The following PEX5L variants were observed in gnomAD, a reference collection of about 807,000 sequenced individuals.
The protein encoded by PEX5L is peroxisomal biogenesis factor 5 like, also known as PEX5-related protein.
In PEX5L, 30 loss-of-function variants were observed where a neutral mutation model predicts 84.0. The observed-to-expected ratio is 0.36, with a 90% CI of 0.27 to 0.48. The LOEUF is 0.48. Ranked by LOEUF, PEX5L falls within the 20% of genes least tolerant of loss-of-function variation. PEX5L has a pLI of 0.99. For synonymous variants in PEX5L, 270 were observed against 283.1 expected (o/e 0.95, Z 0.46); for missense variants, 533 against 754.6 (o/e 0.71, Z 3.44).
intron 2 of PEX5L, among the ~76,000 whole-genome samples, chr3:179,926,754 C>T (rs1158458616): frequency 6.6e-6 from 1 of 152,204 alleles, no homozygotes; most frequent in Admixed American, 6.5e-5. Context: ...ATGCCTGTCA[C>T]ATGGTAGGTG....
Position 179,811,876 on chromosome 3 carries a change from G to A in PEX5L, c.1084-5C>T, listed in dbSNP as rs768197114. On this transcript the variant is annotated splice_polypyrimidine_tract_variant and splice_region_variant and intron_variant, in intron 10 of 14. Coordinates refer to ENST00000467460, the MANE Select transcript of PEX5L (RefSeq NM_016559.3). ...TATCCCGAGGAACTGCCATGCCTAC[G>A]AAAGACAACTGATGTTAACATTGCA... is the stretch of plus-strand genomic sequence containing the variant. 3.1e-6 allele frequency: 5 copies of A among 1,610,044 alleles called. No individual in the cohort carries two copies. The South Asian group carries it at 4.4e-5, about 14-fold the overall frequency.
At chr3:179,967,639 G>C (rs887949339) in intron 2 of PEX5L, among the ~76,000 whole-genome samples, 2 of 152,174 alleles carry the variant, frequency 1.3e-5, no homozygotes, top group East Asian at 3.9e-4. Context: ...CTTGTTTTCT[G>C]GTCTTGTTAT....
At position 179,795,380 on chromosome 3, in the gene PEX5L, CAACT is replaced by C. The variant is rs1716524078; in HGVS notation, c.*6444_*6447del. 1 of 151,214 alleles carries C rather than the reference CAACT, an allele frequency of 6.6e-6. No homozygotes were observed. The allele number at this position is 151,214 out of a possible 1,614,324, so 9.4% of individuals were successfully genotyped here. Reference sequence around the variant, plus strand: ...TAATCTTGTTACGCAAATTAGAAGCCAACTGAGTAAATTAAACACATCAATATGA... The same window carrying C: ...TAATCTTGTTACGCAAATTAGAAGCCGAGTAAATTAAACACATCAATATGA... On this transcript the variant is annotated 3_prime_UTR_variant, in exon 15 of 15. Transcript: ENST00000467460.
intron 1 of PEX5L, among the ~76,000 whole-genome samples, chr3:180,036,317 C>G (rs1791904126): frequency 6.6e-6 from 1 of 152,134 alleles, no homozygotes; most frequent in South Asian, 2.1e-4. Context: ...ATTCCTTGAT[C>G]CTGTTTAAAG....
At chr3:179,860,916 T>C (rs1264208220) in intron 7 of PEX5L, among the ~76,000 whole-genome samples, 2 of 152,292 alleles carry the variant, frequency 1.3e-5, no homozygotes, top group South Asian at 2.1e-4. Context: ...CAGGAGGCTG[T>C]GCTCACCCAG....
At chr3:180,003,287 C>A (rs1251885008) in intron 1 of PEX5L, among the ~76,000 whole-genome samples, 1 of 151,950 alleles carries the variant, frequency 6.6e-6, no homozygotes, top group Non-Finnish European at 1.5e-5. Flanking sequence ...ATTATTACAA[C>A]AATCTGTATT....
At chr3:179,803,856 T>TA (rs1720087909) in intron 14 of PEX5L, among the ~76,000 whole-genome samples, 1 of 152,164 alleles carries the variant, frequency 6.6e-6, no homozygotes, top group Admixed American at 6.5e-5. Flanking sequence ...GCAATCTGGA[T>TA]AATGGAATGG....
chr3:179,915,566 T>C (rs1766753238), intron 2 of PEX5L, among the ~76,000 whole-genome samples: 1 of 152,210 alleles, frequency 6.6e-6, no homozygotes, highest in African/African-American at 2.4e-5. Flanking sequence ...TGATGTATTA[T>C]GTGAAAATAG....
intron 8 of PEX5L, among the ~76,000 whole-genome samples, chr3:179,839,501 A>G (rs1470055836): frequency 6.6e-6 from 1 of 152,216 alleles, no homozygotes; most frequent in African/African-American, 2.4e-5. Context: ...TGTCCAATTG[A>G]GCGCTAGATT....
chr3:179,991,076 A>G (rs1005232098), intron 1 of PEX5L, among the ~76,000 whole-genome samples: 18 of 152,138 alleles, frequency 1.2e-4, no homozygotes, highest in African/African-American at 4.3e-4. Flanking sequence ...TGCATTCTAC[A>G]TGTATTCCTG....
At chr3:179,820,392 G>C (rs577917021) in intron 8 of PEX5L, 1 of 171,078 alleles carries the variant, frequency 5.8e-6, no homozygotes, top group Non-Finnish European at 1.3e-5. Context: ...GTATGGACAA[G>C]AGAATGAAAC....
intron 2 of PEX5L, among the ~76,000 whole-genome samples, chr3:179,927,290 G>A (rs1049797078): frequency 3.9e-5 from 6 of 152,112 alleles, no homozygotes; most frequent in African/African-American, 1.4e-4. Context: ...TAGGCTCTCA[G>A]GGTAAAGACA....
intron 8 of PEX5L, among the ~76,000 whole-genome samples, chr3:179,846,841 T>C (rs1310180722): frequency 6.6e-6 from 1 of 152,046 alleles, no homozygotes; most frequent in African/African-American, 2.4e-5. Flanking sequence ...ACACCAAAGG[T>C]TCTTCTGGTA....
intron 1 of PEX5L, among the ~76,000 whole-genome samples, chr3:180,001,165 T>C (rs1032624304): frequency 6.6e-6 from 1 of 151,932 alleles, no homozygotes; most frequent in Non-Finnish European, 1.5e-5. Context: ...ACTACATCTT[T>C]CTCCCGTGCT....
At chr3:179,892,818 AAAAATT>A (rs1288168618) in intron 3 of PEX5L, among the ~76,000 whole-genome samples, 1 of 152,160 alleles carries the variant, frequency 6.6e-6, no homozygotes, top group African/African-American at 2.4e-5. Context: ...CCTAATGAAA[AAAAATT>A]AAAATAAAGG....
At chr3:180,013,542 A>T (rs1232400048) in intron 1 of PEX5L, among the ~76,000 whole-genome samples, 1 of 152,158 alleles carries the variant, frequency 6.6e-6, no homozygotes, top group Non-Finnish European at 1.5e-5. Flanking sequence ...AGTGATCCAA[A>T]TTAGTTGTGA....
At chr3:179,827,428 G>C (rs906494200) in intron 8 of PEX5L, among the ~76,000 whole-genome samples, 1 of 152,168 alleles carries the variant, frequency 6.6e-6, no homozygotes, top group African/African-American at 2.4e-5. Context: ...GTTTGTGAGT[G>C]AGTGTGCCTT....
intron 2 of PEX5L, among the ~76,000 whole-genome samples, chr3:179,925,024 T>C (rs1232786218): frequency 6.6e-6 from 1 of 152,184 alleles, no homozygotes; most frequent in African/African-American, 2.4e-5. Context: ...GTGCAGAATC[T>C]GAGAGGTAAG....
At chr3:179,811,981 T>C in intron 10 of PEX5L, 110 bp from the exon 11 acceptor site, 1 of 822,028 alleles carries the variant, frequency 1.2e-6, no homozygotes, top group Non-Finnish European at 2.1e-6. Flanking sequence ...AGCTGTCTCA[T>C]ATGTGAGCGC....
Sources: gnomAD v4.1 joint callset for allele counts (sites outside exome capture counted in the v4.1 genomes callset) on GRCh38, gnomAD v4.1.1 for gene constraint, MANE v1.5 for transcripts, NCBI Gene and HGNC (gene_info 2026-07-23, HGNC 2026-07-21) for gene names.